The following GPC3 variants were observed in gnomAD, a reference collection of about 807,000 sequenced individuals.
The protein encoded by GPC3 is glypican-3.
In GPC3, 3 loss-of-function variants were observed where a neutral mutation model predicts 34.4. The observed-to-expected ratio is 0.09, with a 90% confidence interval of 0.04 to 0.23. The LOEUF (loss-of-function observed/expected upper bound fraction) is 0.23, where lower values mean the gene tolerates loss of function less well. GPC3 is among the 10% of genes least tolerant of loss of function. The pLI is 1.00. For synonymous variants in GPC3, 177 were observed against 174.0 expected (o/e 1.02, Z -0.13); for missense variants, 351 against 445.6 (o/e 0.79, Z 1.91).
intron 2 of GPC3, among the ~76,000 whole-genome samples, chrX:133,775,692 A>G (rs1033128288): frequency 6.3e-5 from 7 of 111,758 alleles, no homozygotes; most frequent in Admixed American, 3.8e-4. Context: ...TTGGACATAA[A>G]CAATTCACTA....
intron 2 of GPC3, among the ~76,000 whole-genome samples, chrX:133,890,639 T>C (rs2157452): frequency 0.4 from 43,484 of 108,662 alleles, 7,805 homozygotes; most frequent in African/African-American, 0.69. Context: ...GGGTGGATCA[T>C]CTGAGATCAG....
chrX:133,863,514 G>T (rs1297474657), intron 2 of GPC3, among the ~76,000 whole-genome samples: 2 of 110,622 alleles, frequency 1.8e-5, no homozygotes. Context: ...AATTTGAAGA[G>T]TGCTGAGAAG....
At chrX:133,861,550 T>A (rs2267515) in intron 2 of GPC3, among the ~76,000 whole-genome samples, 39,142 of 110,502 alleles carry the variant, frequency 0.35, 6,842 homozygotes, top group African/African-American at 0.68. Flanking sequence ...GAAAGCCCAA[T>A]TTCATACAGG....
intron 7 of GPC3, among the ~76,000 whole-genome samples, chrX:133,556,413 A>C (rs976929763): frequency 2.7e-5 from 3 of 111,318 alleles, no homozygotes; most frequent in Non-Finnish European, 5.6e-5. Context: ...ATACATGTGG[A>C]ACTACCTCTT....
At chrX:133,909,919 G>C (rs762828032) in intron 2 of GPC3, among the ~76,000 whole-genome samples, 4 of 111,560 alleles carry the variant, frequency 3.6e-5, no homozygotes, top group Non-Finnish European at 7.5e-5. Context: ...TGAAGGTTTG[G>C]AATCAGAAAT....
At chrX:133,966,275 T>C (rs1414615769) in intron 1 of GPC3, among the ~76,000 whole-genome samples, 1 of 112,354 alleles carries the variant, frequency 8.9e-6, no homozygotes, top group Non-Finnish European at 1.9e-5. Context: ...CTATTAGCAA[T>C]TGAATAATCA....
intron 2 of GPC3, among the ~76,000 whole-genome samples, chrX:133,885,519 A>G (rs745874555): frequency 2.7e-5 from 3 of 111,795 alleles, no homozygotes; most frequent in Non-Finnish European, 5.6e-5. Context: ...TTTGTAAACT[A>G]GTTTTCAAGC....
intron 6 of GPC3, among the ~76,000 whole-genome samples, chrX:133,642,727 G>A (rs922296785): frequency 1.1e-5 from 1 of 95,213 alleles, no homozygotes; most frequent in African/African-American, 3.9e-5. Flanking sequence ...AGCTGAGATC[G>A]CACCATTGCA....
intron 3 of GPC3, among the ~76,000 whole-genome samples, chrX:133,752,232 A>G (rs1373496278): frequency 8.9e-6 from 1 of 111,879 alleles, no homozygotes; most frequent in Non-Finnish European, 1.9e-5. Context: ...ACAAATATTT[A>G]GGTGATAGAT....
rs1192384091 is a variant in GPC3, at chrX:133,696,634, A to C, written c.1166+3261T>G. 2.7e-5 allele frequency among the ~76,000 whole-genome samples: 3 copies of C among 111,942 alleles called. No homozygotes were observed. In the East Asian group the frequency reaches 8.4e-4, roughly 31 times the overall value. ...GTGCTAGTAGCCCATGACAGACAAC[A>C]AAAGAATCTCCACCTATGAACTAAG... On this transcript the variant is annotated intron_variant, in intron 4 of 7. Coordinates refer to ENST00000370818, the MANE Select transcript of GPC3 (RefSeq NM_004484.4).
At chrX:133,882,668 A>C (rs1267825238) in intron 2 of GPC3, among the ~76,000 whole-genome samples, 1 of 111,049 alleles carries the variant, frequency 9.0e-6, no homozygotes, top group Non-Finnish European at 1.9e-5. Flanking sequence ...AATCGAGAGA[A>C]AAGTTACTCA....
intron 4 of GPC3, among the ~76,000 whole-genome samples, chrX:133,694,494 T>C (rs1198947078): frequency 9.0e-6 from 1 of 111,035 alleles, no homozygotes; most frequent in African/African-American, 3.3e-5. Context: ...ATAGGAGAGA[T>C]GTTCTGTTTT....
At chrX:133,794,386 G>A (rs2075566370) in intron 2 of GPC3, among the ~76,000 whole-genome samples, 1 of 111,923 alleles carries the variant, frequency 8.9e-6, no homozygotes, top group African/African-American at 3.2e-5. Context: ...GCACAAAGGA[G>A]GCCTCGTTTG....
rs567386527 is a variant in GPC3, at chrX:133,923,469, G to A, written c.337+29581C>T. Among the ~76,000 whole-genome samples the A allele has an allele frequency of 9.9e-5, 11 of 111,253 alleles. No homozygotes were observed. The South Asian group carries it at 3.1e-3, about 31-fold the overall frequency. On this transcript the variant is annotated intron_variant, in intron 2 of 7. Transcript: ENST00000370818. ...ACCCCACCCCCATCCTGAAATAGAC[G>A]GTAGGTCTTCCTGATCACTGGGAAG...
intron 7 of GPC3, among the ~76,000 whole-genome samples, chrX:133,581,893 T>C (rs1286202903): frequency 8.9e-6 from 1 of 112,639 alleles, no homozygotes; most frequent in East Asian, 2.8e-4. Flanking sequence ...TTTGTGCTAT[T>C]CACAATGTAA....
chrX:133,536,683 A>G (rs1385183492), intron 7 of GPC3, among the ~76,000 whole-genome samples: 1 of 110,441 alleles, frequency 9.1e-6, no homozygotes, highest in Non-Finnish European at 1.9e-5. Flanking sequence ...TCAAAACGTA[A>G]GATGCCATAT....
Position 133,850,191 on chromosome X carries a change from T to TTGG in GPC3, c.338-96016_338-96015insCCA, listed in dbSNP as rs1333860202. 2.4e-4 allele frequency among the ~76,000 whole-genome samples: 22 copies of TTGG among 91,855 alleles called. No homozygotes were observed. In the East Asian group the frequency reaches 6.6e-3, roughly 28 times the overall value. The allele number at this position is 91,855 out of a possible 115,157, so 79.8% of individuals were successfully genotyped here. A position where few individuals can be genotyped will look rare whatever the true frequency, so the allele number is the denominator to read the frequency against. On this transcript the variant is annotated intron_variant, in intron 2 of 7. Transcript: ENST00000370818. ...TATTTTTTTTGTTTGTTTTTTGGGT[T>TTGG]TTGTTTTTTTTTTTTTTTTTTTGGT... is the stretch of plus-strand genomic sequence containing the variant.
intron 1 of GPC3, among the ~76,000 whole-genome samples, chrX:133,960,248 C>T (rs1437668857): frequency 1.8e-5 from 2 of 110,021 alleles, no homozygotes; most frequent in African/African-American, 6.6e-5. Flanking sequence ...GCCTTGAATG[C>T]AGGCAGAGAC....
chrX:133,917,792 G>A (rs1302490674), intron 2 of GPC3, among the ~76,000 whole-genome samples: 2 of 111,561 alleles, frequency 1.8e-5, no homozygotes, highest in African/African-American at 6.5e-5. Context: ...AAATACTGCT[G>A]GTTCATCATT....
Sources: allele counts gnomAD v4.1 joint callset (sites outside exome capture counted in the v4.1 genomes callset), GRCh38; gene constraint gnomAD v4.1.1; transcripts MANE v1.5; gene names NCBI Gene and HGNC (gene_info 2026-07-23, HGNC 2026-07-21).